Variants in MAP1A observed in about 807,000 individuals in gnomAD.
The protein encoded by MAP1A is microtubule-associated protein 1A.
In MAP1A, 42 loss-of-function variants were observed where a neutral mutation model predicts 185.9. The ratio of observed to expected loss-of-function variants is 0.23; its 90% CI spans 0.18 to 0.29. The LOEUF (loss-of-function observed/expected upper bound fraction) is 0.29. Among genes scored for constraint, MAP1A ranks in the 10% least tolerant of loss-of-function variants. MAP1A has a pLI of 1.00. For missense variants in MAP1A, 2,995 were observed against 3,450.4 expected, an observed-to-expected ratio of 0.87 and a Z score of 3.31; for synonymous variants, 1,229 against 1,335.9, an observed-to-expected ratio of 0.92 and a Z score of 1.74.
At chr15:43,511,164 T>C in exon 1 of MAP1A, 1 of 1,550,512 alleles carries the variant, frequency 6.4e-7, no homozygotes. Flanking sequence ...TCTTTGCTAA[T>C]TGTGATCGGC....
chr15:43,526,120 G>T lies in MAP1A; in HGVS notation c.4647G>T (p.Gln1549His). The change falls in exon 4 of 6, where the codon CAG becomes CAT. Residue 1549 changes from glutamine to histidine, a missense_variant. Coordinates refer to ENST00000300231, the MANE Select transcript of MAP1A (RefSeq NM_002373.6). The surrounding 1 kb of genome is among the most constrained non-coding windows in gnomAD (Gnocchi z 4.7). ...QKDKVSEKKD[Q>H]ALEQKYWALG... ...ATAAAGTCTCAGAAAAGAAGGATCAGGCCTTAGAACAAAAATACTGGGCTT... is the reference window on the plus strand; with the variant it reads ...ATAAAGTCTCAGAAAAGAAGGATCATGCCTTAGAACAAAAATACTGGGCTT... 1 of 1,614,012 alleles carries T rather than the reference G, an allele frequency of 6.2e-7. No homozygotes were observed. The highest frequency in any genetic ancestry group is 1.3e-5 in the African/African-American group (1 of 75,026).
At position 43,521,098 on chromosome 15, in the gene MAP1A, C is replaced by T. The variant is rs2079317535; in HGVS notation, c.-165C>T. Reference sequence around the variant, plus strand: ...CTCATATGAAAACTTTGCCCAGGTCCTTCACAACCCCGAGGTAAGTTCCAT... The same window carrying T: ...CTCATATGAAAACTTTGCCCAGGTCTTTCACAACCCCGAGGTAAGTTCCAT... On this transcript the variant is annotated 5_prime_UTR_variant, in exon 3 of 6. Transcript: ENST00000300231. This position sits in a 1 kb window ranked among gnomAD's most constrained non-coding sequence, Gnocchi z 4.6. 6.5e-7 allele frequency: 1 copy of T among 1,547,702 alleles called. No homozygotes were observed. The highest frequency in any genetic ancestry group is 8.7e-7 in the Non-Finnish European group (1 of 1,146,922).
rs1311648635 is a variant in MAP1A, at chr15:43,529,879, C to T, written c.8256+9C>T. ...GGGGGGAGAATCTTCAGGTGAGTAG[C>T]AAAGGACACCAAGGAAGTAGTCTGG... On this transcript the variant is annotated intron_variant, in intron 5 of 5. Coordinates refer to ENST00000300231, the MANE Select transcript of MAP1A (RefSeq NM_002373.6). This position sits in a 1 kb window ranked among gnomAD's most constrained non-coding sequence, Gnocchi z 4.3. 1 of 1,611,132 alleles carries T rather than the reference C, an allele frequency of 6.2e-7. No individual in the cohort carries two copies. Among genetic ancestry groups the T allele is most frequent in the East Asian group, 2.2e-5 (1 of 44,854 alleles).
chr15:43,520,251 T>C lies in MAP1A; in HGVS notation c.-374-390T>C, dbSNP rs191967232. On this transcript the variant is annotated intron_variant, in intron 1 of 5. Transcript: ENST00000300231. ...CAGGAAGGAGAAAGGGAAGTGAGGG[T>C]CATCATCCCAGGGGCCCTCTCTCCA... Among the ~76,000 whole-genome samples the C allele has an allele frequency of 1.1e-4, 16 of 151,832 alleles. No individual in the cohort carries two copies. In the East Asian group the frequency reaches 3.1e-3, roughly 29 times the overall value.
chr15:43,526,869 C>T lies in MAP1A; in HGVS notation c.5396C>T (p.Pro1799Leu), dbSNP rs766792536. Residue 1799 changes from proline to leucine, a missense_variant, in exon 4 of 6, where the codon CCA becomes CTA. Around this residue, in one of 3 missense-constraint regions of MAP1A, gnomAD observed 2,728 missense variants for 2,986.0 expected, o/e 0.91. Coordinates refer to ENST00000300231, the MANE Select transcript of MAP1A (RefSeq NM_002373.6). This position sits in a 1 kb window ranked among gnomAD's most constrained non-coding sequence, Gnocchi z 4.7. Reference sequence around the variant, plus strand: ...TCTCCCTTTGAGATCATCTCCCCTCCAGCTTCCCCACCTGAGATGGTTGGA... The same window carrying T: ...TCTCCCTTTGAGATCATCTCCCCTCTAGCTTCCCCACCTGAGATGGTTGGA... ...TRSPFEIISP[P>L]ASPPEMVGQR... The T allele has an allele frequency of 6.8e-6, 11 of 1,614,144 alleles. No homozygotes were observed. The highest frequency in any genetic ancestry group is 9.3e-6 in the Non-Finnish European group (11 of 1,180,008).
upstream of MAP1A, among the ~76,000 whole-genome samples, chr15:43,516,659 A>C: frequency 6.6e-6 from 1 of 152,254 alleles, no homozygotes; most frequent in East Asian, 1.9e-4. Flanking sequence ...CAGGATCAAC[A>C]TTAGAAAGAT....
rs199887689 is a variant in MAP1A at position 43,528,179 on chromosome 15, C to T, written c.6706C>T (p.Pro2236Ser). 4.5e-4 allele frequency: 725 copies of T among 1,614,146 alleles called. 3 individuals are homozygous for T. Among genetic ancestry groups the T allele is most frequent in the Non-Finnish European group, 4.2e-5 (50 of 1,180,024 alleles). ...LDSSLPQLPSPSSPGAPLLSN... is the reference protein window; with the variant it reads ...LDSSLPQLPSSSSPGAPLLSN... ...TTCCTCACTGCCCCAGCTCCCATCA[C>T]CCAGTTCTCCTGGGGCCCCTCTCCT... Residue 2236 changes from proline (P) to serine (S), a missense_variant, in exon 4 of 6, where the codon CCC (proline) becomes TCC (serine). Pro to Ser is a moderately conservative substitution (Grantham distance 74). Transcript: ENST00000300231.
Position 43,522,457 on chromosome 15 carries a change from G to A in MAP1A, c.984G>A (p.Lys328=). The change falls in exon 4 of 6, where the codon AAG becomes AAA. Residue 328 remains lysine, a synonymous_variant. Coordinates refer to ENST00000300231, the MANE Select transcript of MAP1A (RefSeq NM_002373.6). This position sits in a 1 kb window ranked among gnomAD's most constrained non-coding sequence, Gnocchi z 5.9. ...DSKESLKATT[K]TAVSKLAKRE... is the part of the protein sequence containing the mutation. ...AGGAGAGCCTCAAAGCCACTACCAAGACGGCCGTGAGCAAGTTGGCCAAAC... is the reference window on the plus strand; with the variant it reads ...AGGAGAGCCTCAAAGCCACTACCAAAACGGCCGTGAGCAAGTTGGCCAAAC... 1 of 1,614,100 alleles carries A rather than the reference G, an allele frequency of 6.2e-7. No individual in the cohort carries two copies. Among genetic ancestry groups the A allele is most frequent in the Non-Finnish European group, 8.5e-7 (1 of 1,180,020 alleles).
intron 1 of MAP1A, among the ~76,000 whole-genome samples, chr15:43,519,808 C>T (rs1235431936): frequency 6.6e-6 from 1 of 152,162 alleles, no homozygotes; most frequent in Non-Finnish European, 1.5e-5. Flanking sequence ...CCTTTCACTC[C>T]CCATGCCCGT....
At position 43,526,694 on chromosome 15, in the gene MAP1A, C is replaced by T; in HGVS notation, c.5221C>T (p.Pro1741Ser). ...DEGPDDEQEV[P>S]LREHATRSPW... Reference sequence around the variant, plus strand: ...GGGCCCAGATGATGAGCAAGAAGTACCCCTGCGGGAACACGCAACCCGGAG... The same window carrying T: ...GGGCCCAGATGATGAGCAAGAAGTATCCCTGCGGGAACACGCAACCCGGAG... Residue 1741 changes from proline (P) to serine (S), a missense_variant, in exon 4 of 6, where the codon CCC (proline) becomes TCC (serine). Physicochemically the swap from Pro to Ser is moderately conservative, Grantham distance 74 (BLOSUM62 -1). Around this residue, in one of 3 missense-constraint regions of MAP1A, gnomAD observed 2,728 missense variants for 2,986.0 expected, o/e 0.91. Transcript: ENST00000300231. This position sits in a 1 kb window ranked among gnomAD's most constrained non-coding sequence, Gnocchi z 4.7. 3 of 1,613,994 alleles carry T rather than the reference C, an allele frequency of 1.9e-6. No individual in the cohort carries two copies. Among genetic ancestry groups the T allele is most frequent in the Non-Finnish European group, 2.5e-6 (3 of 1,180,012 alleles).
chr15:43,521,536 T>G lies in MAP1A; in HGVS notation c.63T>G (p.Phe21Leu). The G allele has an allele frequency of 6.2e-7, 1 of 1,614,160 alleles. No homozygotes were observed. The highest frequency in any genetic ancestry group is 1.1e-5 in the South Asian group (1 of 91,076). ...VSETVDVPSP[F>L]DLLEPPTSGG... is the part of the protein sequence containing the mutation. ...AGACTGTGGACGTGCCATCCCCATT[T>G]GACCTACTAGAGCCCCCCACCTCAG... Residue 21 changes from phenylalanine (F) to leucine (L), a missense_variant, in exon 4 of 6, where the codon TTT becomes TTG. This residue lies in a region of MAP1A where 264 missense variants were observed against 435.3 expected (regional missense o/e 0.61). Coordinates refer to ENST00000300231, the MANE Select transcript of MAP1A (RefSeq NM_002373.6). The surrounding 1 kb of genome is among the most constrained non-coding windows in gnomAD (Gnocchi z 4.6).
At position 43,521,908 on chromosome 15, in the gene MAP1A, T is replaced by C. The variant is rs754582035; in HGVS notation, c.435T>C (p.Leu145=). 4.4e-5 allele frequency: 71 copies of C among 1,614,048 alleles called. No homozygotes were observed. The highest frequency in any genetic ancestry group is 5.8e-5 in the Non-Finnish European group (69 of 1,180,022). The change falls in exon 4 of 6, where the codon CTT becomes CTC. Residue 145 remains leucine, a synonymous_variant. Coordinates refer to ENST00000300231, the MANE Select transcript of MAP1A (RefSeq NM_002373.6). This position sits in a 1 kb window ranked among gnomAD's most constrained non-coding sequence, Gnocchi z 4.6. Reference sequence around the variant, plus strand: ...TCAACGTGCCTGAGAAGCTGCGGCTTCCTGATGCCTCCCGGAAAGCCAAGC... The same window carrying C: ...TCAACGTGCCTGAGAAGCTGCGGCTCCCTGATGCCTCCCGGAAAGCCAAGC... ...VFFNVPEKLR[L]PDASRKAKRS...
At chr15:43,511,287 A>G in intron 1 of MAP1A, 2 of 1,335,542 alleles carry the variant, frequency 1.5e-6, no homozygotes, top group Non-Finnish European at 1.0e-6. Context: ...CGCCTTCTGC[A>G]TTCAACTACC....
chr15:43,526,653 G>A lies in MAP1A; in HGVS notation c.5180G>A (p.Ser1727Asn). 1 of 1,614,032 alleles carries A rather than the reference G, an allele frequency of 6.2e-7. No homozygotes were observed. Among genetic ancestry groups the A allele is most frequent in the Non-Finnish European group, 8.5e-7 (1 of 1,180,010 alleles). The change falls in exon 4 of 6, where the codon AGC (serine) becomes AAC (asparagine). Residue 1727 changes from serine to asparagine, a missense_variant. Ser to Asn is a conservative substitution (Grantham distance 46). This residue lies in a region of MAP1A where 2,728 missense variants were observed against 2,986.0 expected (regional missense o/e 0.91). Transcript: ENST00000300231. This position sits in a 1 kb window ranked among gnomAD's most constrained non-coding sequence, Gnocchi z 4.7. ...ARPHYTEERESTFLDEGPDDE... is the reference protein window; with the variant it reads ...ARPHYTEERENTFLDEGPDDE... ...CCACACTACACTGAGGAACGGGAAA[G>A]CACTTTCCTAGATGAGGGCCCAGAT... is the stretch of plus-strand genomic sequence containing the variant.
At chr15:43,512,350 C>G in intron 2 of MAP1A, 1 of 1,258,850 alleles carries the variant, frequency 7.9e-7, no homozygotes, top group Non-Finnish European at 1.1e-6. Context: ...GAGGTCCAGT[C>G]TCCCTGGGAG....
chr15:43,517,099 G>A (rs1302987212), upstream of MAP1A, among the ~76,000 whole-genome samples: 1 of 152,168 alleles, frequency 6.6e-6, no homozygotes, highest in African/African-American at 2.4e-5. Flanking sequence ...TTTCTGTAGT[G>A]CTGAGGTTCA....
chr15:43,528,197 C>T lies in MAP1A; in HGVS notation c.6724C>T (p.Pro2242Ser). Reference sequence around the variant, plus strand: ...CCCATCACCCAGTTCTCCTGGGGCCCCTCTCCTCTCCAATCTGCCACGACC... The same window carrying T: ...CCCATCACCCAGTTCTCCTGGGGCCTCTCTCCTCTCCAATCTGCCACGACC... ...QLPSPSSPGA[P>S]LLSNLPRPAS... Residue 2242 changes from proline to serine, a missense_variant, in exon 4 of 6, where the codon CCT (proline) becomes TCT (serine). Pro to Ser is a moderately conservative substitution (Grantham distance 74). This residue lies in a region of MAP1A where 2,728 missense variants were observed against 2,986.0 expected (regional missense o/e 0.91). Transcript: ENST00000300231. 6.2e-7 allele frequency: 1 copy of T among 1,614,152 alleles called. No individual in the cohort carries two copies. Among genetic ancestry groups the T allele is most frequent in the African/African-American group, 1.3e-5 (1 of 75,046 alleles).
chr15:43,531,271 G>A lies in MAP1A; in HGVS notation c.*1047G>A, dbSNP rs1470366149. On this transcript the variant is annotated 3_prime_UTR_variant, in exon 6 of 6. Coordinates refer to ENST00000300231, the MANE Select transcript of MAP1A (RefSeq NM_002373.6). ...CAGAGGACTTGGGGAAAATGAGATG[G>A]AGGAAGGAAAAAGGGAGAAGCTGAG... 1 of 152,658 alleles carries A rather than the reference G, an allele frequency of 6.6e-6. No homozygotes were observed. Among genetic ancestry groups the A allele is most frequent in the Non-Finnish European group, 1.5e-5 (1 of 68,096 alleles). 9.5% of individuals were successfully genotyped at this position (152,658 alleles called of 1,614,324 possible). A position where few individuals can be genotyped will look rare whatever the true frequency, so the allele number is the denominator to read the frequency against.
Position 43,524,954 on chromosome 15 carries a change from C to G in MAP1A, c.3481C>G (p.Pro1161Ala), listed in dbSNP as rs762383107. The change falls in exon 4 of 6, where the codon CCA becomes GCA. Residue 1161 changes from proline to alanine, a missense_variant. This residue lies in a region of MAP1A where 2,728 missense variants were observed against 2,986.0 expected (regional missense o/e 0.91). Transcript: ENST00000300231. The part of the protein sequence containing the change: ...ESLSVLSVPS[P>A]DTANQEPTPK... ...CCTCTCTGTCCTCAGCGTGCCCTCC[C>G]CAGACACTGCCAACCAAGAGCCTAC... is the stretch of plus-strand genomic sequence containing the variant. 6.2e-7 allele frequency: 1 copy of G among 1,614,158 alleles called. No homozygotes were observed. Among genetic ancestry groups the G allele is most frequent in the South Asian group, 1.1e-5 (1 of 91,080 alleles).
Sources: gnomAD v4.1 joint callset for allele counts (sites outside exome capture counted in the v4.1 genomes callset) on GRCh38, gnomAD v4.1.1 for gene constraint, gnomAD v4.1.1 regional missense constraint, Gnocchi (gnomAD v3.1) non-coding constraint, MANE v1.5 for transcripts, NCBI Gene and HGNC (gene_info 2026-07-23, HGNC 2026-07-21) for gene names.